Variants in CELSR1 observed in about 807,000 individuals in gnomAD.
The protein encoded by CELSR1 is adhesion G protein-coupled receptor C1.
CELSR1 carries 110 observed loss-of-function variants against 249.1 expected under a neutral mutation model. The ratio of observed to expected loss-of-function variants is 0.44; its 90% confidence interval spans 0.38 to 0.52. The LOEUF is 0.52. Ranked by LOEUF, CELSR1 falls within the 20% of genes least tolerant of loss-of-function variation. The pLI is 0.00. For missense variants in CELSR1, 4,109 were observed against 4,296.4 expected, an observed-to-expected ratio of 0.96 and a Z score of 1.22; for synonymous variants, 2,113 against 1,900.0, an observed-to-expected ratio of 1.11 and a Z score of -2.92.
Position 46,433,549 on chromosome 22 carries a change from G to A in CELSR1, c.4523-68C>T. ...CGGGGCCTACTGGGGACCGAGGATT[G>A]CGCTGTGAGGCATCAGGGGGAGACA... On this transcript the variant is annotated intron_variant, in intron 4 of 34. Coordinates refer to ENST00000674500, the MANE Select transcript of CELSR1 (RefSeq NM_001378328.1). The surrounding 1 kb of genome is among the most constrained non-coding windows in gnomAD (Gnocchi z 5.7). 3.3e-6 allele frequency: 4 copies of A among 1,212,360 alleles called. No individual in the cohort carries two copies. Among genetic ancestry groups the A allele is most frequent in the Non-Finnish European group, 4.8e-6 (4 of 836,568 alleles). 75.1% of individuals were successfully genotyped at this position (1,212,360 alleles called of 1,614,324 possible).
intron 2 of CELSR1, among the ~76,000 whole-genome samples, chr22:46,458,196 G>T (rs1602164268): frequency 6.6e-6 from 1 of 151,910 alleles, no homozygotes; most frequent in Non-Finnish European, 1.5e-5. Context: ...AGAGAGGCCA[G>T]TGTGTGTCCC....
At chr22:46,460,968 C>G (rs2080019364) in intron 2 of CELSR1, among the ~76,000 whole-genome samples, 1 of 152,180 alleles carries the variant, frequency 6.6e-6, no homozygotes, top group African/African-American at 2.4e-5. Flanking sequence ...GTCTCCTGTC[C>G]CGCAACACAA....
intron 5 of CELSR1, among the ~76,000 whole-genome samples, chr22:46,418,964 CG>C (rs1256790899): frequency 1.3e-5 from 2 of 152,188 alleles, no homozygotes; most frequent in Non-Finnish European, 2.9e-5. Context: ...CCTGGGCATG[CG>C]TGTTCAGCAC....
chr22:46,486,284 C>CACAA (rs1267282144), intron 1 of CELSR1, among the ~76,000 whole-genome samples: 2 of 151,542 alleles, frequency 1.3e-5, no homozygotes, highest in African/African-American at 4.8e-5. Context: ...CACGCTGGCT[C>CACAA]ACGCCTGTAA....
intron 2 of CELSR1, among the ~76,000 whole-genome samples, chr22:46,449,985 C>CATGT (rs2079865209): frequency 2.0e-5 from 3 of 152,248 alleles, no homozygotes; most frequent in African/African-American, 7.2e-5. Context: ...CACATGCATG[C>CATGT]CCACAGGCAC....
intron 19 of CELSR1, among the ~76,000 whole-genome samples, chr22:46,385,772 G>A (rs1018812049): frequency 1.4e-4 from 21 of 151,342 alleles, no homozygotes; most frequent in African/African-American, 4.4e-4. Context: ...CCGCTTCCCG[G>A]GTTCACGCCA....
intron 1 of CELSR1, among the ~76,000 whole-genome samples, chr22:46,516,461 G>A (rs2147780855): frequency 6.6e-6 from 1 of 151,932 alleles, no homozygotes; most frequent in Admixed American, 6.6e-5. Context: ...CTGTTGTGGG[G>A]TTGGGGGAGT....
At chr22:46,485,570 A>G (rs1292276087) in intron 1 of CELSR1, among the ~76,000 whole-genome samples, 1 of 152,228 alleles carries the variant, frequency 6.6e-6, no homozygotes, top group Non-Finnish European at 1.5e-5. Flanking sequence ...TCACAAGTAA[A>G]GCTGAAAATA....
intron 22 of CELSR1, among the ~76,000 whole-genome samples, 161 bp from the exon 23 acceptor site, chr22:46,378,878 C>G (rs1200798521): frequency 6.6e-6 from 1 of 152,048 alleles, no homozygotes; most frequent in African/African-American, 2.4e-5. Flanking sequence ...TCGCAGGCTG[C>G]TCCCCACCGT....
At chr22:46,442,218 T>C (rs992605401) in intron 2 of CELSR1, among the ~76,000 whole-genome samples, 7 of 152,206 alleles carry the variant, frequency 4.6e-5, no homozygotes, top group African/African-American at 1.7e-4. Flanking sequence ...CCCCCCACCC[T>C]TCCCCTCCAG....
chr22:46,398,691 C>A lies in CELSR1; in HGVS notation c.5413-54G>T. The A allele has an allele frequency of 7.1e-7, 1 of 1,406,682 alleles. No individual in the cohort carries two copies. The highest frequency in any genetic ancestry group is 9.9e-7 in the Non-Finnish European group (1 of 1,013,470). 87.1% of individuals were successfully genotyped at this position (1,406,682 alleles called of 1,614,324 possible). ...GGGGCTGCATCCACCATCCTAGAAACGTCTCTCAGATGGGAAGGATACACT... is the reference window on the plus strand; with the variant it reads ...GGGGCTGCATCCACCATCCTAGAAAAGTCTCTCAGATGGGAAGGATACACT... On this transcript the variant is annotated intron_variant, in intron 10 of 34. Transcript: ENST00000674500. The surrounding 1 kb of genome is among the most constrained non-coding windows in gnomAD (Gnocchi z 7.2).
In CELSR1 at chr22:46,490,488, T is replaced by C. The variant is rs897863385; in HGVS notation, c.3545-26143A>G. On this transcript the variant is annotated intron_variant, in intron 1 of 34. Coordinates refer to ENST00000674500, the MANE Select transcript of CELSR1 (RefSeq NM_001378328.1). The surrounding 1 kb of genome is among the most constrained non-coding windows in gnomAD (Gnocchi z 5.2). ...TTTTAGTAGAGACGGGGTTTCACCATGTTGGTCAGGCTGGTCTCGAACTCC... is the reference window on the plus strand; with the variant it reads ...TTTTAGTAGAGACGGGGTTTCACCACGTTGGTCAGGCTGGTCTCGAACTCC... Among the ~76,000 whole-genome samples, 4 of 152,026 alleles carry C rather than the reference T, an allele frequency of 2.6e-5. No homozygotes were observed. Among genetic ancestry groups the C allele is most frequent in the African/African-American group, 7.2e-5 (3 of 41,380 alleles).
Position 46,391,638 on chromosome 22 carries a change from C to A in CELSR1, c.6143G>T (p.Cys2048Phe). 6.3e-7 allele frequency: 1 copy of A among 1,597,854 alleles called. No individual in the cohort carries two copies. The highest frequency in any genetic ancestry group is 1.1e-5 in the South Asian group (1 of 89,896). ...NPFAEVTTLG[C>F]EVIYNGCPKA... The stretch of plus-strand genomic sequence containing the variant: ...TGTCGAGGGGCAACGCGGACCTTCA[C>A]AGCCGAGCGTGGTGACCTCGGCAAA... The change falls in exon 15 of 35, where the codon TGT becomes TTT. Residue 2048 changes from cysteine (C) to phenylalanine (F), a missense_variant. Physicochemically the swap from Cys to Phe is radical, Grantham distance 205. Coordinates refer to ENST00000674500, the MANE Select transcript of CELSR1 (RefSeq NM_001378328.1). This position sits in a 1 kb window ranked among gnomAD's most constrained non-coding sequence, Gnocchi z 4.3.
chr22:46,533,157 G>A lies in CELSR1; in HGVS notation c.3544+470C>T, dbSNP rs112053686. On this transcript the variant is annotated intron_variant, in intron 1 of 34. Coordinates refer to ENST00000674500, the MANE Select transcript of CELSR1 (RefSeq NM_001378328.1). Reference sequence around the variant, plus strand: ...CAAGGGAACACCGGCTGCATTATAGGGTGACTCAGGGACCCATCTGACAAT... The same window carrying A: ...CAAGGGAACACCGGCTGCATTATAGAGTGACTCAGGGACCCATCTGACAAT... Among the ~76,000 whole-genome samples, 1,482 of 152,294 alleles carry A rather than the reference G, an allele frequency of 9.7e-3. 21 individuals are homozygous for A. The highest frequency in any genetic ancestry group is 0.033 in the African/African-American group (1,366 of 41,568).
intron 2 of CELSR1, chr22:46,463,027 A>G (rs187347709): frequency 4.4e-5 from 16 of 364,172 alleles, no homozygotes; most frequent in Admixed American, 1.7e-4. Context: ...TTAAGCCTGC[A>G]ATCTGGAATA....
chr22:46,525,363 C>T (rs577561125), intron 1 of CELSR1, among the ~76,000 whole-genome samples: 6 of 151,904 alleles, frequency 3.9e-5, no homozygotes, highest in Admixed American at 2.0e-4. Flanking sequence ...GCAGGACAAT[C>T]GCTTGAACCC....
intron 2 of CELSR1, among the ~76,000 whole-genome samples, chr22:46,451,966 G>A (rs2079890447): frequency 6.6e-6 from 1 of 152,178 alleles, no homozygotes; most frequent in Non-Finnish European, 1.5e-5. Context: ...GCAGAGCCTG[G>A]AGCCAGGCAG....
intron 5 of CELSR1, among the ~76,000 whole-genome samples, chr22:46,431,866 C>T (rs901372009): frequency 3.3e-5 from 5 of 152,224 alleles, no homozygotes; most frequent in Non-Finnish European, 7.3e-5. Flanking sequence ...CCTCACCCCA[C>T]CAGCCCCTGC....
chr22:46,364,778 A>G, intron 32 of CELSR1, 42 bp from the exon 33 acceptor site: 1 of 1,565,336 alleles, frequency 6.4e-7, no homozygotes, highest in Non-Finnish European at 8.7e-7. Flanking sequence ...CGGCACTGCC[A>G]CTCGAGCTGC....
Sources: allele counts gnomAD v4.1 joint callset (sites outside exome capture counted in the v4.1 genomes callset), GRCh38; gene constraint gnomAD v4.1.1; non-coding constraint Gnocchi (gnomAD v3.1); transcripts MANE v1.5; gene names NCBI Gene and HGNC (gene_info 2026-07-23, HGNC 2026-07-21).